Variants in DOCK3 observed in about 807,000 individuals in gnomAD.
DOCK3 encodes dedicator of cytokinesis 3.
A neutral mutation model predicts 265.6 loss-of-function variants in DOCK3; 60 were observed. The observed-to-expected ratio is 0.23, with a 90% CI of 0.18 to 0.28. DOCK3 has a LOEUF of 0.28. Ranked by LOEUF, DOCK3 falls within the 10% of genes least tolerant of loss-of-function variation. The probability of loss-of-function intolerance (pLI) is 1.00; values close to 1 mark genes in which losing one functional copy is unlikely to be tolerated. For synonymous variants in DOCK3, 881 were observed against 938.0 expected, an observed-to-expected ratio of 0.94 and a Z score of 1.11; for missense variants, 1,981 against 2,594.3, an observed-to-expected ratio of 0.76 and a Z score of 5.14.
intron 9 of DOCK3, among the ~76,000 whole-genome samples, chr3:51,137,100 C>T (rs2084842092): frequency 1.3e-5 from 2 of 151,558 alleles, no homozygotes; most frequent in Admixed American, 6.6e-5. Context: ...CCATCGTTTG[C>T]CTTTATAAAA....
intron 5 of DOCK3, among the ~76,000 whole-genome samples, chr3:51,030,665 G>C (rs919933093): frequency 1.3e-5 from 2 of 152,090 alleles, no homozygotes; most frequent in Non-Finnish European, 2.9e-5. Flanking sequence ...TGAGTAATAA[G>C]CATTTTAAGA....
intron 9 of DOCK3, among the ~76,000 whole-genome samples, chr3:51,099,466 G>C (rs1243369473): frequency 6.6e-6 from 1 of 152,158 alleles, no homozygotes; most frequent in Non-Finnish European, 1.5e-5. Context: ...GTTTCACATT[G>C]TTTACAAGAA....
At chr3:51,022,571 CATTT>C (rs1285293657) in intron 5 of DOCK3, among the ~76,000 whole-genome samples, 1 of 152,154 alleles carries the variant, frequency 6.6e-6, no homozygotes, top group African/African-American at 2.4e-5. Flanking sequence ...CAATAGTTAA[CATTT>C]AATTTATGCA....
At chr3:51,136,223 C>T (rs1375318754) in intron 9 of DOCK3, among the ~76,000 whole-genome samples, 1 of 151,594 alleles carries the variant, frequency 6.6e-6, no homozygotes. Flanking sequence ...TTTGTCGGTG[C>T]CCCCCGCCAC....
chr3:51,131,963 C>G (rs1313284215), intron 9 of DOCK3, among the ~76,000 whole-genome samples: 1 of 152,132 alleles, frequency 6.6e-6, no homozygotes, highest in East Asian at 1.9e-4. Context: ...AGGCATTGGT[C>G]AAGGGTATGT....
intron 2 of DOCK3, 120 bp from the exon 3 acceptor site, chr3:50,841,545 GATCCTAATAA>G (rs2045828476): frequency 3.1e-6 from 1 of 321,820 alleles, no homozygotes; most frequent in Admixed American, 4.3e-5. Flanking sequence ...GACAACTCTA[GATCCTAATAA>G]AGCCACAGTG....
At chr3:50,849,254 C>T (rs911022424) in intron 3 of DOCK3, among the ~76,000 whole-genome samples, 7 of 151,364 alleles carry the variant, frequency 4.6e-5, no homozygotes, top group Admixed American at 4.0e-4. Context: ...GAGCTGGTTT[C>T]GAATTCCTGG....
chr3:51,118,534 A>T (rs1560086928), intron 9 of DOCK3, among the ~76,000 whole-genome samples: 1 of 152,198 alleles, frequency 6.6e-6, no homozygotes. Flanking sequence ...TGTCTCGTTG[A>T]TCTGTCTAAT....
intron 22 of DOCK3, 122 bp downstream of exon 22, chr3:51,246,929 G>T: frequency 1.1e-6 from 1 of 942,340 alleles, no homozygotes; most frequent in Non-Finnish European, 1.6e-6. Flanking sequence ...TTTCAGGAAT[G>T]ACTGTCTTGA....
chr3:50,974,367 G>A (rs1354813293), intron 5 of DOCK3, among the ~76,000 whole-genome samples: 5 of 151,870 alleles, frequency 3.3e-5, no homozygotes, highest in Admixed American at 6.6e-5. Context: ...TGGCTAGCCA[G>A]TTTTCCCAGC....
chr3:51,332,527 T>G (rs1039328076), intron 33 of DOCK3, among the ~76,000 whole-genome samples: 2 of 152,146 alleles, frequency 1.3e-5, no homozygotes, highest in East Asian at 1.9e-4. Flanking sequence ...GTGGAATCTT[T>G]CCCTTAGTTT....
chr3:50,745,247 T>C (rs1363460477), intron 1 of DOCK3, among the ~76,000 whole-genome samples: 2 of 152,048 alleles, frequency 1.3e-5, no homozygotes. Flanking sequence ...GGTTTCACTG[T>C]GTTGGCAAGG....
chr3:50,808,184 A>C (rs1166979350), intron 2 of DOCK3, among the ~76,000 whole-genome samples: 1 of 152,248 alleles, frequency 6.6e-6, no homozygotes, highest in Non-Finnish European at 1.5e-5. Flanking sequence ...ATTCATGTTG[A>C]AAACTATAAA....
intron 9 of DOCK3, among the ~76,000 whole-genome samples, chr3:51,106,359 A>G (rs559238004): frequency 1.7e-4 from 26 of 152,252 alleles, no homozygotes; most frequent in African/African-American, 6.0e-4. Flanking sequence ...AGCAGCCCCC[A>G]CTGACAGGCT....
chr3:50,736,602 G>A (rs907534529), intron 1 of DOCK3, among the ~76,000 whole-genome samples: 5 of 151,850 alleles, frequency 3.3e-5, no homozygotes, highest in African/African-American at 7.3e-5. Context: ...TCTAACTGGT[G>A]TGAGATGGTA....
At chr3:51,247,436 C>T (rs1338165453) in intron 22 of DOCK3, among the ~76,000 whole-genome samples, 6 of 152,322 alleles carry the variant, frequency 3.9e-5, no homozygotes, top group Non-Finnish European at 7.4e-5. Flanking sequence ...CTGGTAACTT[C>T]TTTTCATGAC....
intron 2 of DOCK3, among the ~76,000 whole-genome samples, chr3:50,817,175 A>G (rs1019478111): frequency 6.6e-5 from 10 of 152,250 alleles, no homozygotes; most frequent in Admixed American, 6.5e-4. Flanking sequence ...GTAAACTGTC[A>G]TGGCACTGGT....
At chr3:50,924,347 C>T (rs918236409) in intron 4 of DOCK3, among the ~76,000 whole-genome samples, 1 of 152,180 alleles carries the variant, frequency 6.6e-6, no homozygotes, top group Non-Finnish European at 1.5e-5. Context: ...GCTAGCATAA[C>T]AAAGTCTTCT....
chr3:50,712,008 T>TCCATGTTTATAA (rs2036803487), intron 1 of DOCK3, among the ~76,000 whole-genome samples: 1 of 152,190 alleles, frequency 6.6e-6, no homozygotes, highest in Non-Finnish European at 1.5e-5. Context: ...ATAAGGTAGT[T>TCCATGTTTATAA]GGTGATGTTC....
Sources: allele counts gnomAD v4.1 joint callset (sites outside exome capture counted in the v4.1 genomes callset), GRCh38; gene constraint gnomAD v4.1.1; transcripts MANE v1.5; gene names NCBI Gene and HGNC (gene_info 2026-07-23, HGNC 2026-07-21).